The following QSOX2 variants were observed in gnomAD, a reference collection of about 807,000 sequenced individuals.
The protein encoded by QSOX2 is sulfhydryl oxidase 2.
In QSOX2, 46 loss-of-function variants were observed where a neutral mutation model predicts 61.7. The ratio of observed to expected loss-of-function variants is 0.75; its 90% CI spans 0.59 to 0.95. The LOEUF is 0.95. Among genes scored for constraint, QSOX2 ranks in the 40% least tolerant of loss-of-function variants. The pLI is 0.00. For missense variants in QSOX2, 879 were observed against 918.9 expected (o/e 0.96, Z 0.56); for synonymous variants, 383 against 388.4 (o/e 0.99, Z 0.16).
intron 9 of QSOX2, 57 bp from the exon 10 acceptor site, chr9:136,215,361 A>C: frequency 7.1e-7 from 1 of 1,404,454 alleles, no homozygotes. Flanking sequence ...GTTGAAATTA[A>C]AAACAGTCGA....
At position 136,208,566 on chromosome 9, in the gene QSOX2, G is replaced by C. The variant is rs1831804327; in HGVS notation, c.*162C>G. 8.1e-6 allele frequency: 6 copies of C among 741,126 alleles called. No individual in the cohort carries two copies. Among genetic ancestry groups the C allele is most frequent in the Non-Finnish European group, 1.2e-5 (6 of 480,494 alleles). The allele number at this position is 741,126 out of a possible 1,614,324, so 45.9% of individuals were successfully genotyped here. A position where few individuals can be genotyped will look rare whatever the true frequency, so the allele number is the denominator to read the frequency against. ...CCCGTGTTCTTCCCTTGTTAGAAGAGCGTTTGTAAAACCAGGACTTTGAAG... is the reference window on the plus strand; with the variant it reads ...CCCGTGTTCTTCCCTTGTTAGAAGACCGTTTGTAAAACCAGGACTTTGAAG... On this transcript the variant is annotated 3_prime_UTR_variant, in exon 12 of 12. Coordinates refer to ENST00000358701, the MANE Select transcript of QSOX2 (RefSeq NM_181701.4).
intron 10 of QSOX2, among the ~76,000 whole-genome samples, chr9:136,212,989 TTACAA>T: frequency 1.3e-5 from 2 of 152,308 alleles, no homozygotes; most frequent in Middle Eastern, 3.4e-3. Flanking sequence ...CACACTGCTC[TTACAA>T]TTCCACTACA....
rs1831820635 is a variant in QSOX2, at chr9:136,209,533, C to T, written c.1550-258G>A. On this transcript the variant is annotated intron_variant, in intron 11 of 11. Coordinates refer to ENST00000358701, the MANE Select transcript of QSOX2 (RefSeq NM_181701.4). The surrounding 1 kb of genome is among the most constrained non-coding windows in gnomAD (Gnocchi z 5.6). ...ATAGCCTGCAAGTGAGGAGACGCTA[C>T]ACGCTCGGCCTCCGCCACTTCCCAG... The T allele has an allele frequency of 2.0e-6, 2 of 985,246 alleles. No individual in the cohort carries two copies. The highest frequency in any genetic ancestry group is 1.2e-6 in the Non-Finnish European group (1 of 829,908). The allele number at this position is 985,246 out of a possible 1,614,324, so 61.0% of individuals were successfully genotyped here. A position where few individuals can be genotyped will look rare whatever the true frequency, so the allele number is the denominator to read the frequency against.
chr9:136,208,407 T>C lies in QSOX2; in HGVS notation c.*321A>G, dbSNP rs1831801916. On this transcript the variant is annotated 3_prime_UTR_variant, in exon 12 of 12. Coordinates refer to ENST00000358701, the MANE Select transcript of QSOX2 (RefSeq NM_181701.4). ...AGATGAAAGTGTGTGGGGAAGACTATCTGGCCTGGACTCTGCACCCTCTTT... is the reference window on the plus strand; with the variant it reads ...AGATGAAAGTGTGTGGGGAAGACTACCTGGCCTGGACTCTGCACCCTCTTT... 4.6e-6 allele frequency: 1 copy of C among 218,578 alleles called. No individual in the cohort carries two copies. The highest frequency in any genetic ancestry group is 8.9e-6 in the Non-Finnish European group (1 of 111,846). 13.5% of individuals were successfully genotyped at this position (218,578 alleles called of 1,614,324 possible).
chr9:136,226,706 C>T (rs1300013474), intron 2 of QSOX2, 68 bp downstream of exon 2: 25 of 1,283,798 alleles, frequency 1.9e-5, no homozygotes, highest in Non-Finnish European at 2.6e-5. Context: ...CAAGCAGCCG[C>T]GTGATGCTCA....
chr9:136,223,500 C>G lies in QSOX2; in HGVS notation c.675+263G>C, dbSNP rs1380906316. On this transcript the variant is annotated intron_variant, in intron 5 of 11. Coordinates refer to ENST00000358701, the MANE Select transcript of QSOX2 (RefSeq NM_181701.4). This position sits in a 1 kb window ranked among gnomAD's most constrained non-coding sequence, Gnocchi z 4.4. ...ATAAAAATGAGATCTTCTGCAAAGC[C>G]CCCTCTTAGTTTCAAACCTAGGGTT... 1.3e-5 allele frequency among the ~76,000 whole-genome samples: 2 copies of G among 152,104 alleles called. No individual in the cohort carries two copies. The highest frequency in any genetic ancestry group is 4.8e-5 in the African/African-American group (2 of 41,378).
At chr9:136,231,672 C>T (rs761039854) in intron 1 of QSOX2, among the ~76,000 whole-genome samples, 7 of 152,360 alleles carry the variant, frequency 4.6e-5, no homozygotes, top group Non-Finnish European at 1.0e-4. Flanking sequence ...CTGATCGCTC[C>T]TTACCCAGCC....
At chr9:136,241,637 G>C (rs1036339764) in intron 1 of QSOX2, among the ~76,000 whole-genome samples, 1 of 152,214 alleles carries the variant, frequency 6.6e-6, no homozygotes, top group African/African-American at 2.4e-5. Flanking sequence ...TCACTCAGCT[G>C]CGTGACCGTG....
At position 136,209,545 on chromosome 9, in the gene QSOX2, C is replaced by A; in HGVS notation, c.1550-270G>T. ...TGAGGAGACGCTACACGCTCGGCCT[C>A]CGCCACTTCCCAGACCACACCTGTC... On this transcript the variant is annotated intron_variant, in intron 11 of 11. Transcript: ENST00000358701. This position sits in a 1 kb window ranked among gnomAD's most constrained non-coding sequence, Gnocchi z 5.6. 1.0e-6 allele frequency: 1 copy of A among 985,384 alleles called. No individual in the cohort carries two copies. Among genetic ancestry groups the A allele is most frequent in the Non-Finnish European group, 1.2e-6 (1 of 829,910 alleles). 61.0% of individuals were successfully genotyped at this position (985,384 alleles called of 1,614,324 possible).
chr9:136,217,376 C>T (rs985801217), intron 8 of QSOX2, among the ~76,000 whole-genome samples: 4 of 152,118 alleles, frequency 2.6e-5, no homozygotes, highest in African/African-American at 4.8e-5. Flanking sequence ...TGAAATCTCA[C>T]GGGTGGCAAT....
chr9:136,238,510 C>CG (rs1326873489), intron 1 of QSOX2, among the ~76,000 whole-genome samples: 1 of 152,216 alleles, frequency 6.6e-6, no homozygotes, highest in East Asian at 1.9e-4. Context: ...CCAAAGACAA[C>CG]GCTCCCCGGG....
intron 1 of QSOX2, among the ~76,000 whole-genome samples, chr9:136,234,460 G>A (rs755484375): frequency 3.3e-5 from 5 of 152,154 alleles, no homozygotes; most frequent in Non-Finnish European, 5.9e-5. Context: ...CCAGATGTCC[G>A]GCAGATGTCC....
chr9:136,242,599 C>T (rs528864825), intron 1 of QSOX2, among the ~76,000 whole-genome samples: 40 of 152,392 alleles, frequency 2.6e-4, no homozygotes, highest in African/African-American at 8.7e-4. Context: ...GCAGCCAGAC[C>T]CCTGCACTGC....
chr9:136,215,379 C>G, intron 9 of QSOX2, 75 bp from the exon 10 acceptor site: 1 of 1,384,746 alleles, frequency 7.2e-7, no homozygotes, highest in South Asian at 1.5e-5. Context: ...CGACAGCTGC[C>G]TTCTTGACTG....
chr9:136,234,296 C>T (rs577832700), intron 1 of QSOX2, among the ~76,000 whole-genome samples: 9 of 152,340 alleles, frequency 5.9e-5, no homozygotes, highest in East Asian at 3.9e-4. Context: ...TTCCAGTCAA[C>T]GGTGGGCTAT....
intron 1 of QSOX2, among the ~76,000 whole-genome samples, chr9:136,235,585 G>A (rs1166524441): frequency 1.3e-5 from 2 of 152,366 alleles, no homozygotes; most frequent in East Asian, 3.9e-4. Context: ...GGCAGCCACT[G>A]ATGTGCGTGG....
chr9:136,228,787 T>A (rs1451805699), intron 1 of QSOX2, among the ~76,000 whole-genome samples: 1 of 152,240 alleles, frequency 6.6e-6, no homozygotes, highest in Non-Finnish European at 1.5e-5. Context: ...GAACGTTATG[T>A]CTGCCTGTCA....
intron 1 of QSOX2, among the ~76,000 whole-genome samples, chr9:136,233,912 G>A (rs554743852): frequency 1.3e-5 from 2 of 152,192 alleles, no homozygotes; most frequent in African/African-American, 2.4e-5. Flanking sequence ...CACAGAAACC[G>A]TTTAGAGAAA....
chr9:136,208,456 C>T lies in QSOX2; in HGVS notation c.*272G>A. 2.4e-6 allele frequency: 1 copy of T among 414,938 alleles called. No homozygotes were observed. The highest frequency in any genetic ancestry group is 4.1e-5 in the East Asian group (1 of 24,392). 25.7% of individuals were successfully genotyped at this position (414,938 alleles called of 1,614,324 possible). A position where few individuals can be genotyped will look rare whatever the true frequency, so the allele number is the denominator to read the frequency against. ...TTTCACATCTAGAAGAGTAAAAATA[C>T]AGAAGTCTTTTTGCTGTAAGACCTG... On this transcript the variant is annotated 3_prime_UTR_variant, in exon 12 of 12. Coordinates refer to ENST00000358701, the MANE Select transcript of QSOX2 (RefSeq NM_181701.4).
Sources: gnomAD v4.1 joint callset for allele counts (sites outside exome capture counted in the v4.1 genomes callset) on GRCh38, gnomAD v4.1.1 for gene constraint, Gnocchi (gnomAD v3.1) non-coding constraint, MANE v1.5 for transcripts, NCBI Gene and HGNC (gene_info 2026-07-23, HGNC 2026-07-21) for gene names.